PCDH9: variants seen among roughly 807,000 people sequenced by gnomAD.
PCDH9 encodes the protein protocadherin 9.
Under a neutral mutation model 70.6 loss-of-function variants are expected in PCDH9, and 24 were observed. That is an observed-to-expected ratio of 0.34 (90% CI 0.25 to 0.48). The LOEUF (loss-of-function observed/expected upper bound fraction) is 0.48, where lower values mean the gene tolerates loss of function less well. Ranked by LOEUF, PCDH9 falls within the 20% of genes least tolerant of loss-of-function variation. The pLI is 0.99. For synonymous variants in PCDH9, 562 were observed against 558.5 expected, an observed-to-expected ratio of 1.01 and a Z score of -0.09; for missense variants, 1,281 against 1,503.6, an observed-to-expected ratio of 0.85 and a Z score of 2.45.
chr13:67,054,482 G>T (rs1458672278), intron 2 of PCDH9, among the ~76,000 whole-genome samples: 1 of 152,044 alleles, frequency 6.6e-6, no homozygotes. Context: ...TTATTCAAGA[G>T]TCTTAAAAGC....
At chr13:66,711,166 A>G (rs2078788034) in intron 3 of PCDH9, among the ~76,000 whole-genome samples, 1 of 152,168 alleles carries the variant, frequency 6.6e-6, no homozygotes, top group African/African-American at 2.4e-5. Flanking sequence ...AAATTTTGAT[A>G]CATGCATGCA....
chr13:67,001,726 C>G (rs985121190), intron 2 of PCDH9: 2 of 152,238 alleles, frequency 1.3e-5, no homozygotes, highest in African/African-American at 2.4e-5. Flanking sequence ...ATCCCAGGTA[C>G]CCCGCTTAAG....
At chr13:66,386,874 T>G (rs7983403) in intron 4 of PCDH9, among the ~76,000 whole-genome samples, 59,701 of 152,036 alleles carry the variant, frequency 0.39, 13,386 homozygotes, top group Admixed American at 0.56. Context: ...GATGTCATAG[T>G]TTCTCAGTGT....
intron 2 of PCDH9, among the ~76,000 whole-genome samples, chr13:66,983,956 G>T (rs2083833475): frequency 6.6e-6 from 1 of 151,726 alleles, no homozygotes; most frequent in Admixed American, 6.6e-5. Flanking sequence ...CTATTGAAAA[G>T]CTACTCTTTG....
intron 3 of PCDH9, among the ~76,000 whole-genome samples, chr13:66,763,775 A>G (rs2079665672): frequency 6.6e-6 from 1 of 151,932 alleles, no homozygotes; most frequent in African/African-American, 2.4e-5. Flanking sequence ...TACCTTCACA[A>G]CTTAATCTAT....
intron 4 of PCDH9, among the ~76,000 whole-genome samples, chr13:66,419,329 A>G (rs1399989701): frequency 2.0e-5 from 3 of 152,098 alleles, no homozygotes. Context: ...ATCCAACAGC[A>G]CATTAAAAAG....
Position 66,508,765 on chromosome 13 carries a change from A to T in PCDH9, c.3340+122445T>A, listed in dbSNP as rs1456947206. Among the ~76,000 whole-genome samples the T allele has an allele frequency of 1.1e-4, 16 of 152,168 alleles. No individual in the cohort carries two copies. The East Asian group carries it at 3.1e-3, about 29-fold the overall frequency. ...CACAGTATGACAGGCTGAATAATAG[A>T]TATACTGATATCCAATCTGTTTTGT... On this transcript the variant is annotated intron_variant, in intron 4 of 4. Coordinates refer to ENST00000377865, the MANE Select transcript of PCDH9 (RefSeq NM_203487.3).
intron 3 of PCDH9, among the ~76,000 whole-genome samples, chr13:66,778,621 A>C (rs1176503658): frequency 6.6e-6 from 1 of 152,248 alleles, no homozygotes; most frequent in African/African-American, 2.4e-5. Flanking sequence ...AGGTTATATA[A>C]CTAAATCAAG....
chr13:67,004,421 A>T (rs1032100669), intron 2 of PCDH9, among the ~76,000 whole-genome samples: 3 of 151,944 alleles, frequency 2.0e-5, no homozygotes, highest in Admixed American at 6.6e-5. Context: ...AAATCCAAAA[A>T]TTAGCCAGGC....
At chr13:66,388,038 C>T (rs1042815293) in intron 4 of PCDH9, among the ~76,000 whole-genome samples, 10 of 152,218 alleles carry the variant, frequency 6.6e-5, no homozygotes, top group East Asian at 5.8e-4. Flanking sequence ...CCTTGGAATA[C>T]GTATCTTGAG....
chr13:66,662,408 G>T (rs1055945365), intron 3 of PCDH9, among the ~76,000 whole-genome samples: 1 of 151,954 alleles, frequency 6.6e-6, no homozygotes, highest in Non-Finnish European at 1.5e-5. Flanking sequence ...GGGAGGCAGA[G>T]GTTTCCGTGA....
At chr13:66,822,278 C>T (rs2080725928) in intron 3 of PCDH9, among the ~76,000 whole-genome samples, 1 of 152,058 alleles carries the variant, frequency 6.6e-6, no homozygotes. Context: ...CATGCTCTCA[C>T]ATTTATATAT....
At chr13:66,359,888 A>G (rs952761158) in intron 4 of PCDH9, among the ~76,000 whole-genome samples, 2 of 152,258 alleles carry the variant, frequency 1.3e-5, no homozygotes, top group Admixed American at 6.5e-5. Context: ...TGTTAAAAGT[A>G]TAAGTATGTA....
At chr13:66,563,688 A>G (rs2138716398) in intron 4 of PCDH9, among the ~76,000 whole-genome samples, 1 of 152,208 alleles carries the variant, frequency 6.6e-6, no homozygotes, top group East Asian at 1.9e-4. Flanking sequence ...TTCAATTCTC[A>G]AGACATTCAC....
intron 4 of PCDH9, among the ~76,000 whole-genome samples, chr13:66,426,817 C>CAA (rs1957678761): frequency 2.6e-5 from 4 of 151,320 alleles, no homozygotes; most frequent in Non-Finnish European, 3.0e-5. Context: ...GATATTTTTT[C>CAA]TTTTGTGTAA....
chr13:67,168,193 C>T (rs2088175947), intron 2 of PCDH9, among the ~76,000 whole-genome samples: 1 of 152,160 alleles, frequency 6.6e-6, no homozygotes, highest in South Asian at 2.1e-4. Flanking sequence ...AACCTTTATT[C>T]TTGCACCCTT....
intron 4 of PCDH9, among the ~76,000 whole-genome samples, chr13:66,544,251 A>G (rs1961085862): frequency 6.6e-6 from 1 of 152,124 alleles, no homozygotes; most frequent in Non-Finnish European, 1.5e-5. Context: ...AAAACTTCAT[A>G]ATGAACCTTT....
intron 3 of PCDH9, among the ~76,000 whole-genome samples, chr13:66,714,166 T>C (rs2078837349): frequency 6.6e-6 from 1 of 152,132 alleles, no homozygotes; most frequent in Admixed American, 6.5e-5. Context: ...TTTTAAATAT[T>C]GTTTTAAAGA....
intron 4 of PCDH9, among the ~76,000 whole-genome samples, chr13:66,454,652 T>C (rs112589649): frequency 7.9e-5 from 12 of 152,306 alleles, no homozygotes; most frequent in African/African-American, 2.9e-4. Flanking sequence ...AGAAGGATAA[T>C]GAAGTAAAGG....
Sources: gnomAD v4.1 joint callset for allele counts (sites outside exome capture counted in the v4.1 genomes callset) on GRCh38, gnomAD v4.1.1 for gene constraint, MANE v1.5 for transcripts, NCBI Gene and HGNC (gene_info 2026-07-23, HGNC 2026-07-21) for gene names.